ZNF385D: variants seen among roughly 807,000 people sequenced by gnomAD.
ZNF385D encodes zinc finger protein 659.
In ZNF385D, 15 loss-of-function variants were observed where a neutral mutation model predicts 35.8. That is an observed-to-expected ratio of 0.42 (90% CI 0.28 to 0.64). The LOEUF (loss-of-function observed/expected upper bound fraction) is 0.64, where lower values mean the gene tolerates loss of function less well. Ranked by LOEUF, ZNF385D falls within the 30% of genes least tolerant of loss-of-function variation. The pLI, the probability that ZNF385D is intolerant of heterozygous loss-of-function variation, is 0.23. For synonymous variants in ZNF385D, 212 were observed against 186.8 expected, an observed-to-expected ratio of 1.13 and a Z score of -1.10; for missense variants, 474 against 494.6, an observed-to-expected ratio of 0.96 and a Z score of 0.39.
At chr3:21,899,512 TACA>T (rs1422950349) in intron 3 of ZNF385D, among the ~76,000 whole-genome samples, 2 of 152,090 alleles carry the variant, frequency 1.3e-5, no homozygotes, top group Non-Finnish European at 2.9e-5. Context: ...ACTTTGCATT[TACA>T]ACAAGTTCCC....
chr3:22,202,112 T>C (rs1453173960), intron 2 of ZNF385D, among the ~76,000 whole-genome samples: 2 of 152,098 alleles, frequency 1.3e-5, no homozygotes, highest in Non-Finnish European at 2.9e-5. Flanking sequence ...TTTCTTTAGT[T>C]CAATTTTTTA....
At chr3:22,119,438 G>A (rs896225894) in intron 3 of ZNF385D, among the ~76,000 whole-genome samples, 18 of 151,986 alleles carry the variant, frequency 1.2e-4, no homozygotes, top group East Asian at 1.2e-3. Context: ...TTTGTTGGGG[G>A]GAATATGCTT....
intron 3 of ZNF385D, among the ~76,000 whole-genome samples, chr3:22,137,619 G>A (rs1083719): frequency 1.8e-4 from 27 of 152,234 alleles, no homozygotes; most frequent in East Asian, 7.7e-4. Flanking sequence ...AAATTCAACA[G>A]CCCTTCATGC....
At chr3:21,892,418 T>C (rs1212229316) in intron 3 of ZNF385D, among the ~76,000 whole-genome samples, 1 of 152,176 alleles carries the variant, frequency 6.6e-6, no homozygotes, top group Non-Finnish European at 1.5e-5. Context: ...GAAATCATTT[T>C]CAAAGTGTGC....
At chr3:22,311,175 A>G (rs759358134) in intron 2 of ZNF385D, among the ~76,000 whole-genome samples, 23 of 151,992 alleles carry the variant, frequency 1.5e-4, no homozygotes, top group Non-Finnish European at 2.8e-4. Flanking sequence ...AATAAATAGT[A>G]TTTATTCTTA....
intron 2 of ZNF385D, among the ~76,000 whole-genome samples, chr3:21,602,607 A>T (rs931670073): frequency 7.4e-6 from 1 of 135,742 alleles, no homozygotes; most frequent in Non-Finnish European, 1.5e-5. Flanking sequence ...ATCTCGGCTC[A>T]CTGCAAGCTC....
At chr3:21,828,689 C>T (rs1004403708) in intron 3 of ZNF385D, among the ~76,000 whole-genome samples, 3 of 152,206 alleles carry the variant, frequency 2.0e-5, no homozygotes, top group Non-Finnish European at 2.9e-5. Context: ...CAAATTACTA[C>T]AACCTTAGTG....
At chr3:21,575,180 G>A (rs951609019) in intron 2 of ZNF385D, among the ~76,000 whole-genome samples, 12 of 152,232 alleles carry the variant, frequency 7.9e-5, no homozygotes, top group African/African-American at 2.9e-4. Context: ...TTGGAGTGAT[G>A]TAGCCTTTAT....
At chr3:21,655,684 C>T (rs931822449) in intron 2 of ZNF385D, among the ~76,000 whole-genome samples, 4 of 151,958 alleles carry the variant, frequency 2.6e-5, no homozygotes, top group Admixed American at 1.3e-4. Flanking sequence ...TACCAAGGCT[C>T]ATATAGCTGA....
intron 3 of ZNF385D, among the ~76,000 whole-genome samples, chr3:21,514,993 G>A: frequency 6.6e-6 from 1 of 152,068 alleles, no homozygotes; most frequent in East Asian, 1.9e-4. Flanking sequence ...CGTTCCTGTA[G>A]AACAGAACGC....
chr3:21,594,190 A>G (rs1413901821), intron 2 of ZNF385D, among the ~76,000 whole-genome samples: 1 of 152,176 alleles, frequency 6.6e-6, no homozygotes, highest in Non-Finnish European at 1.5e-5. Flanking sequence ...GGGTTTCTGT[A>G]TAATGCTTTA....
At chr3:22,118,960 T>C (rs1323099077) in intron 3 of ZNF385D, among the ~76,000 whole-genome samples, 1 of 152,172 alleles carries the variant, frequency 6.6e-6, no homozygotes, top group Non-Finnish European at 1.5e-5. Context: ...GTTTTTAACA[T>C]GGAATATGAT....
intron 3 of ZNF385D, among the ~76,000 whole-genome samples, chr3:22,107,641 T>C (rs908947720): frequency 1.3e-5 from 2 of 152,064 alleles, no homozygotes; most frequent in Non-Finnish European, 2.9e-5. Flanking sequence ...TATACAAAAA[T>C]ATGCATTAAA....
intron 3 of ZNF385D, among the ~76,000 whole-genome samples, chr3:22,027,427 T>C (rs1380331218): frequency 6.6e-6 from 1 of 152,150 alleles, no homozygotes; most frequent in Non-Finnish European, 1.5e-5. Context: ...CAGTGACAGA[T>C]AGGGATGCTG....
chr3:22,084,349 A>T lies in ZNF385D; in HGVS notation c.325+84468T>A, dbSNP rs916075648. On this transcript the variant is annotated intron_variant, in intron 3 of 5. Coordinates refer to the ZNF385D transcript ENST00000494108. Reference sequence around the variant, plus strand: ...TCAGGAGACCCACTCATGTGCAGAGACACATACACACTCAAAATAAAGGGA... The same window carrying T: ...TCAGGAGACCCACTCATGTGCAGAGTCACATACACACTCAAAATAAAGGGA... 3.9e-5 allele frequency among the ~76,000 whole-genome samples: 6 copies of T among 152,202 alleles called. No homozygotes were observed. In the East Asian group the frequency reaches 9.6e-4, roughly 24 times the overall value.
intron 3 of ZNF385D, among the ~76,000 whole-genome samples, chr3:21,975,170 C>G (rs896648650): frequency 6.6e-6 from 1 of 152,296 alleles, no homozygotes; most frequent in East Asian, 1.9e-4. Flanking sequence ...ACCTAAGTGT[C>G]TGTCAACAGA....
intron 1 of ZNF385D, among the ~76,000 whole-genome samples, chr3:21,742,289 T>C (rs568911253): frequency 4.0e-4 from 61 of 152,338 alleles, no homozygotes; most frequent in African/African-American, 1.4e-3. Context: ...ACCAGGAGGA[T>C]TGGTGAAGAG....
At chr3:22,080,879 C>G (rs2125582510) in intron 3 of ZNF385D, among the ~76,000 whole-genome samples, 1 of 152,194 alleles carries the variant, frequency 6.6e-6, no homozygotes, top group South Asian at 2.1e-4. Context: ...CATCTATGAA[C>G]CACGAAACAG....
At chr3:21,529,067 T>TG (rs1172891965) in intron 3 of ZNF385D, among the ~76,000 whole-genome samples, 4 of 152,292 alleles carry the variant, frequency 2.6e-5, no homozygotes, top group South Asian at 4.1e-4. Context: ...TTCCATTTTT[T>TG]TTGTGTGTGT....
Sources: gnomAD v4.1 joint callset for allele counts (sites outside exome capture counted in the v4.1 genomes callset) on GRCh38, gnomAD v4.1.1 for gene constraint, MANE v1.5 for transcripts, NCBI Gene and HGNC (gene_info 2026-07-23, HGNC 2026-07-21) for gene names.